The following C8orf34 variants were observed in gnomAD, a reference collection of about 807,000 sequenced individuals.
C8orf34 encodes chromosome 8 open reading frame 34.
A neutral mutation model predicts 68.3 loss-of-function variants in C8orf34; 65 were observed. That is an observed-to-expected ratio of 0.95 (90% CI 0.78 to 1.17). The LOEUF is 1.17. Among genes scored for constraint, C8orf34 ranks in the 50% most tolerant of loss-of-function variants. C8orf34 has a pLI of 0.00. For missense variants in C8orf34, 664 were observed against 655.4 expected, an observed-to-expected ratio of 1.01 and a Z score of -0.14; for synonymous variants, 244 against 241.2, an observed-to-expected ratio of 1.01 and a Z score of -0.11.
At chr8:68,480,428 T>C (rs770880365) in intron 4 of C8orf34, among the ~76,000 whole-genome samples, 3 of 152,158 alleles carry the variant, frequency 2.0e-5, no homozygotes, top group South Asian at 2.1e-4. Flanking sequence ...ATACAGTAAA[T>C]TGTTACTGAG....
At chr8:68,642,719 G>C (rs1819048709) in intron 8 of C8orf34, among the ~76,000 whole-genome samples, 1 of 152,146 alleles carries the variant, frequency 6.6e-6, no homozygotes, top group Admixed American at 6.5e-5. Flanking sequence ...GTTGCTCCAG[G>C]GAGGGCCTCC....
chr8:68,721,441 A>C lies in C8orf34; in HGVS notation c.1404+4A>C, dbSNP rs550884205. The C allele has an allele frequency of 2.8e-5, 45 of 1,590,860 alleles. No homozygotes were observed. The highest frequency in any genetic ancestry group is 3.4e-5 in the Non-Finnish European group (40 of 1,161,918). On this transcript the variant is annotated splice_donor_region_variant and intron_variant, in intron 10 of 13. Coordinates refer to ENST00000518698, the MANE Select transcript of C8orf34 (RefSeq NM_052958.4). ...AGCATCTAAACTAACAGGACCTGTA[A>C]GTATATTCATTGACTTATTTTTTTT...
chr8:68,399,171 A>T (rs1808844915), intron 1 of C8orf34, among the ~76,000 whole-genome samples: 1 of 151,910 alleles, frequency 6.6e-6, no homozygotes, highest in African/African-American at 2.4e-5. Context: ...AGTTTATTTC[A>T]TTTCTATAAG....
intron 1 of C8orf34, among the ~76,000 whole-genome samples, chr8:68,359,232 T>C (rs890623746): frequency 4.6e-5 from 7 of 152,170 alleles, no homozygotes; most frequent in Non-Finnish European, 8.8e-5. Context: ...TGTGATATAC[T>C]ATGTTAGCAA....
chr8:68,683,022 T>C (rs1047407247), intron 8 of C8orf34, among the ~76,000 whole-genome samples: 3 of 152,086 alleles, frequency 2.0e-5, no homozygotes, highest in African/African-American at 7.2e-5. Context: ...CAAGTGTGGC[T>C]GTTGAGATTT....
chr8:68,581,038 G>A (rs1817049272), intron 7 of C8orf34, among the ~76,000 whole-genome samples: 1 of 152,080 alleles, frequency 6.6e-6, no homozygotes, highest in Non-Finnish European at 1.5e-5. Context: ...TCTTAGGGGT[G>A]TTGGCTACGT....
At chr8:68,791,618 A>T (rs1255805405) in intron 12 of C8orf34, 2 of 152,254 alleles carry the variant, frequency 1.3e-5, no homozygotes, top group African/African-American at 4.8e-5. Flanking sequence ...CCAACAAAAC[A>T]ACACAAATGT....
chr8:68,392,245 C>A (rs891754627), intron 1 of C8orf34, among the ~76,000 whole-genome samples: 55 of 151,710 alleles, frequency 3.6e-4, no homozygotes, highest in African/African-American at 1.3e-3. Flanking sequence ...GAATTAAGAA[C>A]CTAATTTTAT....
rs189793074 is a variant in C8orf34, at chr8:68,515,139, C to T, written c.766-6660C>T. On this transcript the variant is annotated intron_variant, in intron 5 of 13. Coordinates refer to ENST00000518698, the MANE Select transcript of C8orf34 (RefSeq NM_052958.4). The stretch of plus-strand genomic sequence containing the variant: ...TGTACATTTAAAAAATCACTTTGTA[C>T]ACCTTAAATATATACAATTTTTGTC... Among the ~76,000 whole-genome samples, 67 of 152,234 alleles carry T rather than the reference C, an allele frequency of 4.4e-4. No individual in the cohort carries two copies. The East Asian group carries it at 0.013, about 29-fold the overall frequency.
chr8:68,469,008 A>G (rs756814976), intron 4 of C8orf34, among the ~76,000 whole-genome samples, 188 bp downstream of exon 4: 3 of 152,072 alleles, frequency 2.0e-5, no homozygotes, highest in Non-Finnish European at 4.4e-5. Context: ...GGGTAGACTG[A>G]TCACATGGAG....
At chr8:68,681,806 A>G (rs1052342238) in intron 8 of C8orf34, among the ~76,000 whole-genome samples, 2 of 152,168 alleles carry the variant, frequency 1.3e-5, no homozygotes, top group African/African-American at 2.4e-5. Flanking sequence ...GAAAGTGCAC[A>G]TGTACACAAT....
intron 1 of C8orf34, among the ~76,000 whole-genome samples, chr8:68,355,635 A>T (rs1371940699): frequency 6.6e-6 from 1 of 152,116 alleles, no homozygotes; most frequent in Admixed American, 6.6e-5. Context: ...CAGAGTGTGC[A>T]TCTGTTCTTT....
At chr8:68,455,749 TATA>T (rs1456505020) in intron 3 of C8orf34, among the ~76,000 whole-genome samples, 3 of 152,072 alleles carry the variant, frequency 2.0e-5, no homozygotes, top group Non-Finnish European at 4.4e-5. Flanking sequence ...TTATTGTAAA[TATA>T]ATGAGGTTAA....
intron 10 of C8orf34, among the ~76,000 whole-genome samples, chr8:68,745,109 C>A (rs1167525308): frequency 6.6e-6 from 1 of 151,902 alleles, no homozygotes; most frequent in Non-Finnish European, 1.5e-5. Flanking sequence ...AATTTTCAAC[C>A]CAGAATTTCA....
intron 5 of C8orf34, among the ~76,000 whole-genome samples, chr8:68,501,196 C>G (rs896900382): frequency 1.3e-5 from 2 of 152,134 alleles, no homozygotes; most frequent in African/African-American, 4.8e-5. Context: ...GAAATCTATT[C>G]TAACAATGAA....
At chr8:68,630,967 T>TTTAA (rs34850011) in intron 7 of C8orf34, among the ~76,000 whole-genome samples, 5 of 137,206 alleles carry the variant, frequency 3.6e-5, no homozygotes, top group African/African-American at 1.1e-4. Context: ...TTTTTTTTTT[T>TTTAA]AAAAAACAGG....
chr8:68,604,803 C>T lies in C8orf34; in HGVS notation c.1106-35573C>T, dbSNP rs544273761. On this transcript the variant is annotated intron_variant, in intron 7 of 13. Transcript: ENST00000518698. ...TAGATCACCTCGAGTTTGGTGATAA[C>T]GTTTTGATACAATACCAAAGGCACA... Among the ~76,000 whole-genome samples, 148 of 152,048 alleles carry T rather than the reference C, an allele frequency of 9.7e-4. 1 individual carries two copies. The highest frequency in any genetic ancestry group is 6.8e-3 in the Middle Eastern group (2 of 294).
chr8:68,532,538 A>G (rs1349197143), intron 6 of C8orf34, among the ~76,000 whole-genome samples: 1 of 152,226 alleles, frequency 6.6e-6, no homozygotes, highest in Non-Finnish European at 1.5e-5. Flanking sequence ...TGTTCAGACA[A>G]CTATATACAC....
chr8:68,539,900 G>A (rs1815637442), intron 7 of C8orf34, among the ~76,000 whole-genome samples: 1 of 151,684 alleles, frequency 6.6e-6, no homozygotes. Context: ...CATGTTAACG[G>A]AAGAGTGGGC....
Sources: gnomAD v4.1 joint callset for allele counts (sites outside exome capture counted in the v4.1 genomes callset) on GRCh38, gnomAD v4.1.1 for gene constraint, MANE v1.5 for transcripts, NCBI Gene and HGNC (gene_info 2026-07-23, HGNC 2026-07-21) for gene names.